L3MBTL4: variants seen among roughly 807,000 people sequenced by gnomAD.
L3MBTL4 encodes lethal(3)malignant brain tumor-like protein 4.
In L3MBTL4, 70 loss-of-function variants were observed where a neutral mutation model predicts 84.5. That is an observed-to-expected ratio of 0.83 (90% CI 0.68 to 1.01). The LOEUF (loss-of-function observed/expected upper bound fraction) is 1.01, where lower values mean the gene tolerates loss of function less well. Among genes scored for constraint, L3MBTL4 ranks in the 50% least tolerant of loss-of-function variants. The pLI is 0.00. For synonymous variants in L3MBTL4, 274 were observed against 259.8 expected (o/e 1.05, Z -0.52); for missense variants, 715 against 754.8 (o/e 0.95, Z 0.62).
At chr18:6,206,231 T>C (rs1458243670) in intron 12 of L3MBTL4, among the ~76,000 whole-genome samples, 1 of 152,192 alleles carries the variant, frequency 6.6e-6, no homozygotes, top group African/African-American at 2.4e-5. Context: ...TGTACACTTA[T>C]ATGTGCATTT....
At chr18:6,004,941 A>G (rs1379266291) in intron 16 of L3MBTL4, among the ~76,000 whole-genome samples, 1 of 151,286 alleles carries the variant, frequency 6.6e-6, no homozygotes, top group Non-Finnish European at 1.5e-5. Flanking sequence ...GTCTCACAAC[A>G]ACAAAAATAT....
At chr18:6,004,996 AATTTT>A (rs1289395768) in intron 16 of L3MBTL4, among the ~76,000 whole-genome samples, 4,503 of 41,696 alleles carry the variant, frequency 0.11, 280 homozygotes, top group African/African-American at 0.24. Context: ...TTAAGATGAT[AATTTT>A]TTTTTTTTTT....
At chr18:6,093,332 C>T (rs1238272775) in intron 15 of L3MBTL4, 23 bp downstream of exon 15, 2 of 1,574,208 alleles carry the variant, frequency 1.3e-6, no homozygotes, top group South Asian at 2.4e-5. Flanking sequence ...CTTTCTGGCT[C>T]ACATTTTTAA....
intron 16 of L3MBTL4, among the ~76,000 whole-genome samples, chr18:6,019,572 A>G (rs116365853): frequency 0.01 from 1,561 of 152,350 alleles, 20 homozygotes; most frequent in African/African-American, 0.036. Flanking sequence ...CTATCTACTG[A>G]GCATCTACTA....
intron 17 of L3MBTL4, among the ~76,000 whole-genome samples, chr18:5,965,289 C>T (rs1270693857): frequency 6.6e-6 from 1 of 152,230 alleles, no homozygotes; most frequent in Non-Finnish European, 1.5e-5. Flanking sequence ...TACAAAGGCC[C>T]TGCGCTAGCC....
At chr18:6,213,027 C>A (rs2046175134) in intron 12 of L3MBTL4, 122 bp downstream of exon 12, 1 of 587,044 alleles carries the variant, frequency 1.7e-6, no homozygotes, top group Non-Finnish European at 2.9e-6. Flanking sequence ...CTTTTCCCCC[C>A]AGAAAATTAT....
At chr18:5,971,732 A>G (rs1301630040) in intron 16 of L3MBTL4, among the ~76,000 whole-genome samples, 3 of 152,200 alleles carry the variant, frequency 2.0e-5, no homozygotes, top group Non-Finnish European at 2.9e-5. Flanking sequence ...GTGCTGGGGC[A>G]GACTCTTGGA....
intron 16 of L3MBTL4, among the ~76,000 whole-genome samples, chr18:6,058,014 C>G (rs189945226): frequency 6.6e-6 from 1 of 152,110 alleles, no homozygotes; most frequent in Non-Finnish European, 1.5e-5. Flanking sequence ...ATCAACATGA[C>G]TTAACTCAAG....
chr18:6,285,809 A>ATATTAT (rs139613072), intron 4 of L3MBTL4, among the ~76,000 whole-genome samples: 7,261 of 143,168 alleles, frequency 0.051, 215 homozygotes, highest in South Asian at 0.075. Context: ...TTTAAAAGAT[A>ATATTAT]TATTATTATT....
chr18:6,362,195 G>C (rs1347915501), intron 1 of L3MBTL4, among the ~76,000 whole-genome samples: 3 of 121,856 alleles, frequency 2.5e-5, no homozygotes, highest in Admixed American at 8.4e-5. Context: ...AAGGAAGGAA[G>C]GGAGGGAGGG....
chr18:6,334,440 G>C (rs1302870679), intron 1 of L3MBTL4, among the ~76,000 whole-genome samples: 1 of 152,060 alleles, frequency 6.6e-6, no homozygotes, highest in African/African-American at 2.4e-5. Context: ...GACTCGGAAG[G>C]TGACAAAGTT....
chr18:6,156,831 T>C (rs2043124915), intron 13 of L3MBTL4, among the ~76,000 whole-genome samples: 1 of 152,204 alleles, frequency 6.6e-6, no homozygotes, highest in Non-Finnish European at 1.5e-5. Flanking sequence ...TCTGTACATG[T>C]GATGACAGAA....
At chr18:6,245,871 G>A (rs76153274) in intron 5 of L3MBTL4, among the ~76,000 whole-genome samples, 11,196 of 152,212 alleles carry the variant, frequency 0.074, 576 homozygotes, top group Non-Finnish European at 0.11. Context: ...GAATATAGGT[G>A]TGAGCCACTG....
chr18:6,291,882 C>T (rs1039369802), intron 4 of L3MBTL4, among the ~76,000 whole-genome samples: 9 of 152,072 alleles, frequency 5.9e-5, no homozygotes. Context: ...TTCTGTACAG[C>T]GAAAGGAACC....
intron 8 of L3MBTL4, among the ~76,000 whole-genome samples, chr18:6,240,216 C>A (rs1013285554): frequency 1.3e-5 from 2 of 151,940 alleles, no homozygotes; most frequent in Non-Finnish European, 2.9e-5. Flanking sequence ...TATCAAATAA[C>A]CTTCTCTGCT....
chr18:6,031,593 A>G (rs1010495066), intron 16 of L3MBTL4: 41 of 939,594 alleles, frequency 4.4e-5, no homozygotes, highest in Non-Finnish European at 4.9e-5. Context: ...TGTTTGTTGG[A>G]CAGTTGTTGG....
At chr18:5,972,891 AGAGAATAG>A (rs2052715354) in intron 16 of L3MBTL4, among the ~76,000 whole-genome samples, 1 of 141,426 alleles carries the variant, frequency 7.1e-6, no homozygotes, top group Non-Finnish European at 1.5e-5. Context: ...ATAGAACAGA[AGAGAATAG>A]AATAGAATAG....
chr18:6,339,515 C>T (rs557566195), intron 1 of L3MBTL4, among the ~76,000 whole-genome samples: 1 of 152,072 alleles, frequency 6.6e-6, no homozygotes, highest in African/African-American at 2.4e-5. Context: ...AAAGTATAGC[C>T]TTAAATGGAT....
chr18:6,027,756 G>A (rs1271053631), intron 16 of L3MBTL4, among the ~76,000 whole-genome samples: 1 of 152,170 alleles, frequency 6.6e-6, no homozygotes, highest in Admixed American at 6.5e-5. Context: ...GTATCTCACT[G>A]TGGTTTTTAT....
Sources: gnomAD v4.1 joint callset for allele counts (sites outside exome capture counted in the v4.1 genomes callset) on GRCh38, gnomAD v4.1.1 for gene constraint, MANE v1.5 for transcripts, NCBI Gene and HGNC (gene_info 2026-07-23, HGNC 2026-07-21) for gene names.